The following SLC35D1 variants were observed in gnomAD, a reference collection of about 807,000 sequenced individuals.
SLC35D1 encodes the protein solute carrier family 35 member D1, also known as nucleotide sugar transporter SLC35D1.
A neutral mutation model predicts 46.7 loss-of-function variants in SLC35D1; 31 were observed. That is an observed-to-expected ratio of 0.66 (90% CI 0.50 to 0.90). The LOEUF (loss-of-function observed/expected upper bound fraction) is 0.90, where lower values mean the gene tolerates loss of function less well. Ranked by LOEUF, SLC35D1 falls within the 40% of genes least tolerant of loss-of-function variation. SLC35D1 has a pLI of 0.00. For synonymous variants in SLC35D1, 195 were observed against 164.6 expected, an observed-to-expected ratio of 1.18 and a Z score of -1.41; for missense variants, 397 against 426.2, an observed-to-expected ratio of 0.93 and a Z score of 0.60.
At chr1:67,053,600 C>G (rs886783494) in intron 1 of SLC35D1, among the ~76,000 whole-genome samples, 3 of 151,972 alleles carry the variant, frequency 2.0e-5, no homozygotes, top group Non-Finnish European at 2.9e-5. Context: ...CCGGCCGGAG[C>G]TCCGCGCAGG....
chr1:66,995,413 A>G (rs576517414), downstream of SLC35D1, among the ~76,000 whole-genome samples: 1 of 118,894 alleles, frequency 8.4e-6, no homozygotes, highest in Admixed American at 1.0e-4. Flanking sequence ...AAATGAGGCC[A>G]TGCTTCTGCC....
At chr1:66,982,719 C>G in the SLC35D1 span, among the ~76,000 whole-genome samples, 83 of 152,308 alleles carry the variant, frequency 5.4e-4, no homozygotes, top group African/African-American at 1.9e-3. Context: ...AGCCTTGATC[C>G]TCTTCTGACC....
intron 8 of SLC35D1, among the ~76,000 whole-genome samples, chr1:67,040,462 T>C (rs1453307055): frequency 1.3e-5 from 2 of 152,150 alleles, no homozygotes; most frequent in African/African-American, 2.4e-5. Flanking sequence ...TGGGGCCCAG[T>C]TTCCCCAACT....
chr1:67,011,556 C>T (rs1469655714), intron 10 of SLC35D1, among the ~76,000 whole-genome samples: 1 of 152,216 alleles, frequency 6.6e-6, no homozygotes, highest in Non-Finnish European at 1.5e-5. Context: ...AATCTCAGCT[C>T]ACTGCAATCC....
At chr1:66,985,059 C>T in the SLC35D1 span, 1 of 1,355,352 alleles carries the variant, frequency 7.4e-7, no homozygotes, top group African/African-American at 1.5e-5. Context: ...CTGCCTTTTG[C>T]AGATTTTTTT....
At chr1:66,985,379 C>T in the SLC35D1 span, 2 of 984,414 alleles carry the variant, frequency 2.0e-6, no homozygotes, top group South Asian at 9.4e-5. Flanking sequence ...TCTCACCAAA[C>T]AGTTTGAGTA....
chr1:67,041,947 A>C (rs569573141), intron 8 of SLC35D1, among the ~76,000 whole-genome samples: 23 of 152,220 alleles, frequency 1.5e-4, no homozygotes, highest in Non-Finnish European at 3.1e-4. Context: ...AGTTTAGCAG[A>C]AATGTAAAAA....
rs762208491 is a variant in SLC35D1, at chr1:67,054,035, C to T, written c.-22G>A. The T allele has an allele frequency of 1.9e-6, 3 of 1,603,468 alleles. No individual in the cohort carries two copies. The highest frequency in any genetic ancestry group is 1.9e-4 in the Middle Eastern group (1 of 5,206). Reference sequence around the variant, plus strand: ...CCATGGCTGCCGCAGCAGCGGTGGCCTGGCGGCGGGGCCTAGCGGCTCGGG... The same window carrying T: ...CCATGGCTGCCGCAGCAGCGGTGGCTTGGCGGCGGGGCCTAGCGGCTCGGG... On this transcript the variant is annotated 5_prime_UTR_variant, in exon 1 of 12. Coordinates refer to ENST00000235345, the MANE Select transcript of SLC35D1 (RefSeq NM_015139.3).
rs1299029545 is a variant in SLC35D1, at chr1:67,049,821, G to A, written c.494C>T (p.Thr165Ile). ...GGCTCCAATAATCATTGCAAATACAGTCATTTTAATACCCCAAGAAAAAGT... is the reference window on the plus strand; with the variant it reads ...GGCTCCAATAATCATTGCAAATACAATCATTTTAATACCCCAAGAAAAAGT... ...KKTFSWGIKMTVFAMIIGAFV... is the reference protein window; with the variant it reads ...KKTFSWGIKMIVFAMIIGAFV... Residue 165 changes from threonine (T) to isoleucine (I), a missense_variant, in exon 6 of 12, where the codon ACT (threonine) becomes ATT (isoleucine). Transcript: ENST00000235345. The A allele has an allele frequency of 6.2e-7, 1 of 1,613,660 alleles. No homozygotes were observed.
the SLC35D1 span, chr1:66,976,593 A>G: frequency 6.4e-7 from 1 of 1,565,178 alleles, no homozygotes; most frequent in Non-Finnish European, 8.6e-7. Context: ...TGTTTCTTAC[A>G]GGTCCGAACA....
At chr1:67,037,263 G>A (rs1668143468) in intron 8 of SLC35D1, among the ~76,000 whole-genome samples, 2 of 151,970 alleles carry the variant, frequency 1.3e-5, no homozygotes, top group Non-Finnish European at 2.9e-5. Flanking sequence ...ATATTTTGTT[G>A]AAAACTTTTA....
chr1:67,015,160 TAAA>T lies in SLC35D1; in HGVS notation c.876+5206_876+5208del, dbSNP rs140508453. Among the ~76,000 whole-genome samples the T allele has an allele frequency of 6.8e-3, 585 of 85,434 alleles. 3 individuals carry two copies. The highest frequency in any genetic ancestry group is 0.015 in the African/African-American group (292 of 18,974). 56.0% of individuals were successfully genotyped at this position (85,434 alleles called of 152,430 possible). On this transcript the variant is annotated intron_variant, in intron 10 of 11. Coordinates refer to ENST00000235345, the MANE Select transcript of SLC35D1 (RefSeq NM_015139.3). ...TAAAACACATAAAAATGTGTTTTTG[TAAA>T]AAAAAAAAAAAAAAAAAAAGATTTT...
chr1:67,020,713 G>C (rs1357352601), intron 9 of SLC35D1, among the ~76,000 whole-genome samples: 1 of 152,098 alleles, frequency 6.6e-6, no homozygotes, highest in African/African-American at 2.4e-5. Flanking sequence ...TATTTTTATA[G>C]ATCATGCTTC....
At chr1:67,042,145 T>C in intron 8 of SLC35D1, 91 bp downstream of exon 8, 2 of 1,251,470 alleles carry the variant, frequency 1.6e-6, no homozygotes, top group Admixed American at 3.4e-5. Context: ...AATAAGCATA[T>C]TTCTTTTGAA....
At chr1:67,023,520 C>T (rs1667854884) in intron 8 of SLC35D1, among the ~76,000 whole-genome samples, 1 of 147,876 alleles carries the variant, frequency 6.8e-6, no homozygotes, top group Non-Finnish European at 1.5e-5. Flanking sequence ...GAGTCTCACC[C>T]TGTCGCGCAG....
chr1:66,983,511 A>G, the SLC35D1 span, among the ~76,000 whole-genome samples: 1 of 152,246 alleles, frequency 6.6e-6, no homozygotes, highest in African/African-American at 2.4e-5. Flanking sequence ...ATTCCATTTT[A>G]CAGTCAACTC....
the SLC35D1 span, among the ~76,000 whole-genome samples, chr1:66,990,048 A>G: frequency 5.9e-5 from 9 of 152,028 alleles, no homozygotes; most frequent in Non-Finnish European, 1.0e-4. Flanking sequence ...CTTTTTTATT[A>G]TTTTTGAAAG....
At chr1:67,042,979 C>A (rs1362237972) in intron 7 of SLC35D1, among the ~76,000 whole-genome samples, 2 of 152,142 alleles carry the variant, frequency 1.3e-5, no homozygotes, top group Non-Finnish European at 2.9e-5. Flanking sequence ...AGGCAGATCA[C>A]CTGAGGTCAG....
rs1297831381 is a variant in SLC35D1 at position 67,004,122 on chromosome 1, T to C, written c.*218A>G. ...AAGCCCAGTACCTTTTCCAGTCTGATATAAATTAATTCAAACAACATATTT... is the reference window on the plus strand; with the variant it reads ...AAGCCCAGTACCTTTTCCAGTCTGACATAAATTAATTCAAACAACATATTT... On this transcript the variant is annotated 3_prime_UTR_variant, in exon 12 of 12. Transcript: ENST00000235345. The C allele has an allele frequency of 1.9e-6, 1 of 519,860 alleles. No homozygotes were observed. The highest frequency in any genetic ancestry group is 3.5e-6 in the Non-Finnish European group (1 of 287,228). The allele number at this position is 519,860 out of a possible 1,614,324, so 32.2% of individuals were successfully genotyped here. A position where few individuals can be genotyped will look rare whatever the true frequency, so the allele number is the denominator to read the frequency against.
Sources: allele counts gnomAD v4.1 joint callset (sites outside exome capture counted in the v4.1 genomes callset), GRCh38; gene constraint gnomAD v4.1.1; transcripts MANE v1.5; gene names NCBI Gene and HGNC (gene_info 2026-07-23, HGNC 2026-07-21).